The following P3H2 variants were observed in gnomAD, a reference collection of about 807,000 sequenced individuals.
P3H2 encodes prolyl 3-hydroxylase 2, also known as leprecan-like 1.
A neutral mutation model predicts 87.0 loss-of-function variants in P3H2; 80 were observed. The observed-to-expected ratio is 0.92, with a 90% CI of 0.77 to 1.11. The LOEUF is 1.11. Among genes scored for constraint, P3H2 ranks in the 50% least tolerant of loss-of-function variants. P3H2 has a pLI of 0.00. For missense variants in P3H2, 1,001 were observed against 923.9 expected, an observed-to-expected ratio of 1.08 and a Z score of -1.08; for synonymous variants, 367 against 359.3, an observed-to-expected ratio of 1.02 and a Z score of -0.24.
chr3:189,984,617 A>T (rs78521896), intron 6 of P3H2, 27 bp from the exon 7 acceptor site: 2 of 1,167,040 alleles, frequency 1.7e-6, no homozygotes, highest in Non-Finnish European at 2.6e-6. Context: ...AAAAAAAAAA[A>T]TGCAGTAATT....
intron 1 of P3H2, among the ~76,000 whole-genome samples, chr3:190,035,623 A>AT (rs1184574639): frequency 2.0e-5 from 3 of 151,910 alleles, no homozygotes; most frequent in Non-Finnish European, 2.9e-5. Flanking sequence ...TATGCGTTTT[A>AT]TTTTTTACTT....
At chr3:190,100,781 T>C (rs1355911243) in intron 1 of P3H2, among the ~76,000 whole-genome samples, 1 of 152,116 alleles carries the variant, frequency 6.6e-6, no homozygotes, top group Non-Finnish European at 1.5e-5. Context: ...AAAATGGTGT[T>C]TTTGAAGTAT....
intron 1 of P3H2, among the ~76,000 whole-genome samples, chr3:190,024,450 G>A (rs2108942804): frequency 6.9e-6 from 1 of 145,916 alleles, no homozygotes; most frequent in South Asian, 2.2e-4. Flanking sequence ...GGCTGAGACA[G>A]GAGAATCACT....
intron 1 of P3H2, among the ~76,000 whole-genome samples, chr3:190,071,823 G>T (rs182513439): frequency 3.7e-4 from 57 of 152,080 alleles, no homozygotes; most frequent in African/African-American, 1.3e-3. Context: ...ATGAGGAACT[G>T]GGAACAGTAC....
chr3:190,079,433 A>C (rs1409504094), intron 1 of P3H2, among the ~76,000 whole-genome samples: 2 of 152,318 alleles, frequency 1.3e-5, no homozygotes, highest in Admixed American at 1.3e-4. Flanking sequence ...ACCACAAAGA[A>C]GTATTGTGAG....
At chr3:190,018,508 GA>G (rs201648796) in intron 1 of P3H2, among the ~76,000 whole-genome samples, 1,678 of 152,172 alleles carry the variant, frequency 0.011, 32 homozygotes, top group African/African-American at 0.038. Context: ...AGCAGTTTGA[GA>G]CCAGCTTGGG....
intron 1 of P3H2, among the ~76,000 whole-genome samples, chr3:190,059,969 G>C (rs527659567): frequency 6.6e-6 from 1 of 152,218 alleles, no homozygotes; most frequent in African/African-American, 2.4e-5. Context: ...AGAAAAGACA[G>C]GAAATTTTTC....
At chr3:190,089,233 C>CG (rs1727330219) in intron 1 of P3H2, among the ~76,000 whole-genome samples, 1 of 151,764 alleles carries the variant, frequency 6.6e-6, no homozygotes, top group African/African-American at 2.4e-5. Context: ...GCGGGGGAAG[C>CG]GGGGAGGGAT....
intron 1 of P3H2, among the ~76,000 whole-genome samples, chr3:190,109,174 AC>A (rs1377688617): frequency 2.6e-5 from 4 of 152,130 alleles, no homozygotes; most frequent in Non-Finnish European, 4.4e-5. Flanking sequence ...CATGCCTGAG[AC>A]CTTTAGACTT....
chr3:190,093,429 AG>A (rs1254515237), intron 1 of P3H2, among the ~76,000 whole-genome samples: 1 of 152,214 alleles, frequency 6.6e-6, no homozygotes, highest in East Asian at 1.9e-4. Context: ...AGAGGAACGA[AG>A]GCCATAGAGG....
At chr3:190,064,051 G>C (rs1726418224) in intron 1 of P3H2, among the ~76,000 whole-genome samples, 1 of 145,034 alleles carries the variant, frequency 6.9e-6, no homozygotes, top group African/African-American at 2.6e-5. Flanking sequence ...GAGAATAGTA[G>C]GGCAATCATA....
chr3:189,969,126 G>T, intron 13 of P3H2: 1 of 561,012 alleles, frequency 1.8e-6, no homozygotes, highest in South Asian at 1.9e-5. Context: ...GTAAACTTTT[G>T]GCTTTACTAG....
At chr3:189,969,133 C>A in intron 13 of P3H2, 3 of 571,948 alleles carry the variant, frequency 5.2e-6, no homozygotes. Flanking sequence ...TTTGGCTTTA[C>A]TAGCATTTTC....
intron 1 of P3H2, among the ~76,000 whole-genome samples, chr3:190,002,587 G>A (rs1018216618): frequency 6.6e-6 from 1 of 151,978 alleles, no homozygotes; most frequent in Non-Finnish European, 1.5e-5. Flanking sequence ...TTTTAGTAGA[G>A]ATGGAGTTTC....
intron 1 of P3H2, among the ~76,000 whole-genome samples, chr3:190,048,163 T>C (rs956226767): frequency 4.6e-5 from 7 of 152,158 alleles, no homozygotes; most frequent in African/African-American, 1.7e-4. Flanking sequence ...ATTACAATGA[T>C]TCAAGAGATT....
chr3:190,095,331 T>TCC, intron 1 of P3H2, among the ~76,000 whole-genome samples: 1 of 123,684 alleles, frequency 8.1e-6, no homozygotes, highest in Non-Finnish European at 1.8e-5. Flanking sequence ...TATATATATA[T>TCC]ATATATATAT....
At chr3:189,995,111 A>G (rs556402216) in intron 2 of P3H2, among the ~76,000 whole-genome samples, 179 bp downstream of exon 2, 1 of 152,240 alleles carries the variant, frequency 6.6e-6, no homozygotes, top group East Asian at 1.9e-4. Context: ...AAATTTTAAA[A>G]AACCTCAATT....
chr3:190,022,323 C>T (rs1724947234), intron 1 of P3H2, among the ~76,000 whole-genome samples: 1 of 134,918 alleles, frequency 7.4e-6, no homozygotes, highest in African/African-American at 2.6e-5. Flanking sequence ...CAAATGAGCC[C>T]CTCAGGGGTG....
chr3:190,101,789 A>G (rs1014393551), intron 1 of P3H2, among the ~76,000 whole-genome samples: 4 of 152,216 alleles, frequency 2.6e-5, no homozygotes, highest in Admixed American at 6.5e-5. Context: ...TTGTAGATAA[A>G]GCATCTTCTT....
Sources: allele counts gnomAD v4.1 joint callset (sites outside exome capture counted in the v4.1 genomes callset), GRCh38; gene constraint gnomAD v4.1.1; transcripts MANE v1.5; gene names NCBI Gene and HGNC (gene_info 2026-07-23, HGNC 2026-07-21).